Variants in FBXO34 observed in about 807,000 individuals in gnomAD.
The protein encoded by FBXO34 is F-box only protein 34.
FBXO34 carries 12 observed loss-of-function variants against 24.5 expected under a neutral mutation model. The observed-to-expected ratio is 0.49, with a 90% CI of 0.31 to 0.79. FBXO34 has a LOEUF of 0.79. FBXO34 is among the 30% of genes least tolerant of loss of function. FBXO34 has a pLI of 0.04. For missense variants in FBXO34, 823 were observed against 857.7 expected, an observed-to-expected ratio of 0.96 and a Z score of 0.51; for synonymous variants, 320 against 311.9, an observed-to-expected ratio of 1.03 and a Z score of -0.27.
At chr14:55,329,848 G>A (rs1883473953) in intron 1 of FBXO34, among the ~76,000 whole-genome samples, 1 of 151,796 alleles carries the variant, frequency 6.6e-6, no homozygotes, top group Non-Finnish European at 1.5e-5. Flanking sequence ...AGCTTTCAGT[G>A]GTGTTTTCTT....
At chr14:55,332,447 A>T (rs8005450) in intron 1 of FBXO34, among the ~76,000 whole-genome samples, 45,941 of 152,032 alleles carry the variant, frequency 0.3, 7,249 homozygotes, top group Non-Finnish European at 0.34. Context: ...TCACCTCTTC[A>T]TAAGATCCCA....
chr14:55,414,428 T>A, the FBXO34 span: 17 of 1,608,286 alleles, frequency 1.1e-5, no homozygotes, highest in Non-Finnish European at 8.5e-7. Flanking sequence ...TTCAAATGCT[T>A]CATAGATCTC....
At chr14:55,407,486 C>A in the FBXO34 span, among the ~76,000 whole-genome samples, 1 of 152,162 alleles carries the variant, frequency 6.6e-6, no homozygotes. Flanking sequence ...GCTAATCTCG[C>A]TCTCCTGGCC....
At chr14:55,285,741 T>C (rs1881739800) in intron 1 of FBXO34, among the ~76,000 whole-genome samples, 1 of 152,238 alleles carries the variant, frequency 6.6e-6, no homozygotes, top group Non-Finnish European at 1.5e-5. Context: ...AAAGGTCTTT[T>C]CAGGTGTTTC....
At chr14:55,400,231 CTG>C in the FBXO34 span, among the ~76,000 whole-genome samples, 6 of 152,192 alleles carry the variant, frequency 3.9e-5, no homozygotes, top group African/African-American at 1.4e-4. Flanking sequence ...TTCCACAAGT[CTG>C]TGCTTTCTCA....
At chr14:55,411,604 C>A in the FBXO34 span, 1 of 1,607,182 alleles carries the variant, frequency 6.2e-7, no homozygotes, top group East Asian at 2.2e-5. Context: ...CGCCGTACCT[C>A]TCCCGGTCGC....
At chr14:55,437,760 A>G in the FBXO34 span, among the ~76,000 whole-genome samples, 1 of 152,260 alleles carries the variant, frequency 6.6e-6, no homozygotes, top group African/African-American at 2.4e-5. Flanking sequence ...TAAATAGAAT[A>G]AATGAAGGAA....
At chr14:55,338,352 A>G (rs1340331563) in intron 1 of FBXO34, among the ~76,000 whole-genome samples, 3 of 151,834 alleles carry the variant, frequency 2.0e-5, no homozygotes, top group African/African-American at 7.3e-5. Context: ...GCCAGCGAGT[A>G]TGGACTTCTT....
At chr14:55,274,005 T>C (rs1344492181) in intron 1 of FBXO34, among the ~76,000 whole-genome samples, 2 of 152,044 alleles carry the variant, frequency 1.3e-5, no homozygotes, top group Non-Finnish European at 1.5e-5. Flanking sequence ...GGGGTTTCAC[T>C]GTGTTGGCCA....
chr14:55,422,557 G>A, the FBXO34 span, among the ~76,000 whole-genome samples: 5 of 152,128 alleles, frequency 3.3e-5, no homozygotes, highest in South Asian at 4.1e-4. Context: ...TCATAAAATA[G>A]CAACTTTCTG....
chr14:55,317,434 T>C (rs1882970543), intron 1 of FBXO34, among the ~76,000 whole-genome samples: 1 of 152,066 alleles, frequency 6.6e-6, no homozygotes, highest in Non-Finnish European at 1.5e-5. Context: ...TGACCCGAGA[T>C]TGTGCCACTG....
chr14:55,390,995 G>GA, the FBXO34 span: 1 of 1,596,732 alleles, frequency 6.3e-7, no homozygotes, highest in South Asian at 1.1e-5. Flanking sequence ...TTCCATCTCT[G>GA]AAAAAAGCAT....
chr14:55,282,781 T>G (rs957093852), intron 1 of FBXO34: 1 of 152,244 alleles, frequency 6.6e-6, no homozygotes, highest in Non-Finnish European at 1.5e-5. Context: ...TTAAAAAGAT[T>G]AATTTTGTTC....
At chr14:55,412,089 A>G in the FBXO34 span, among the ~76,000 whole-genome samples, 6 of 152,262 alleles carry the variant, frequency 3.9e-5, no homozygotes, top group African/African-American at 1.4e-4. Flanking sequence ...TACGAGTTAA[A>G]GCCTCAAACT....
the FBXO34 span, among the ~76,000 whole-genome samples, chr14:55,431,469 T>C: frequency 2.6e-5 from 4 of 152,242 alleles, no homozygotes; most frequent in Admixed American, 2.6e-4. Context: ...GTATGTGTAC[T>C]ATATGGCTAA....
At chr14:55,437,468 A>G in the FBXO34 span, among the ~76,000 whole-genome samples, 1 of 152,196 alleles carries the variant, frequency 6.6e-6, no homozygotes, top group Non-Finnish European at 1.5e-5. Context: ...TCAGAGCGAG[A>G]CTCCATCTAA....
intron 1 of FBXO34, among the ~76,000 whole-genome samples, chr14:55,331,568 C>CAT: frequency 7.0e-6 from 1 of 143,570 alleles, no homozygotes; most frequent in African/African-American, 2.6e-5. Flanking sequence ...TATACACACA[C>CAT]ACACATACCA....
At chr14:55,366,335 C>A (rs1884678186), downstream of FBXO34, 1 of 152,674 alleles carries the variant, frequency 6.5e-6, no homozygotes, top group East Asian at 1.9e-4. Flanking sequence ...ATTCTTGCTA[C>A]CCTCGATGCA....
At chr14:55,273,535 T>G (rs1169673378) in intron 1 of FBXO34, among the ~76,000 whole-genome samples, 1 of 152,180 alleles carries the variant, frequency 6.6e-6, no homozygotes. Flanking sequence ...GTATACAAAT[T>G]ATTTTTCGTA....
Sources: allele counts gnomAD v4.1 joint callset (sites outside exome capture counted in the v4.1 genomes callset), GRCh38; gene constraint gnomAD v4.1.1; transcripts MANE v1.5; gene names NCBI Gene and HGNC (gene_info 2026-07-23, HGNC 2026-07-21).